PCDH15: variants seen among roughly 807,000 people sequenced by gnomAD.
PCDH15 encodes the protein protocadherin related 15, also known as protocadherin-15.
In PCDH15, 129 loss-of-function variants were observed where a neutral mutation model predicts 178.5. That is an observed-to-expected ratio of 0.72 (90% CI 0.63 to 0.84). PCDH15 has a LOEUF of 0.84. Ranked by LOEUF, PCDH15 falls within the 40% of genes least tolerant of loss-of-function variation. The probability of loss-of-function intolerance (pLI) is 0.00; values close to 1 mark genes in which losing one functional copy is unlikely to be tolerated. For missense variants in PCDH15, 2,230 were observed against 2,099.9 expected, an observed-to-expected ratio of 1.06 and a Z score of -1.21; for synonymous variants, 800 against 732.0, an observed-to-expected ratio of 1.09 and a Z score of -1.50.
At chr10:54,551,313 C>T (rs968245022) in intron 2 of PCDH15, among the ~76,000 whole-genome samples, 3 of 151,790 alleles carry the variant, frequency 2.0e-5, no homozygotes. Flanking sequence ...TTTATATCGC[C>T]TCTATACAAA....
intron 27 of PCDH15, among the ~76,000 whole-genome samples, chr10:53,860,562 C>A (rs1267136054): frequency 6.6e-6 from 1 of 151,852 alleles, no homozygotes; most frequent in Non-Finnish European, 1.5e-5. Context: ...GAAACCCTGT[C>A]TCTACTAAAA....
intron 3 of PCDH15, among the ~76,000 whole-genome samples, chr10:54,513,265 A>G (rs1197052735): frequency 6.7e-6 from 1 of 150,294 alleles, no homozygotes; most frequent in African/African-American, 2.4e-5. Flanking sequence ...TTATTTATTT[A>G]TTTATTTATT....
chr10:54,729,203 T>C (rs1425767461), intron 1 of PCDH15, among the ~76,000 whole-genome samples: 1 of 151,678 alleles, frequency 6.6e-6, no homozygotes. Flanking sequence ...AACAGCATGA[T>C]ACTGGTACAA....
At position 53,810,849 on chromosome 10, in the gene PCDH15, A is replaced by AT. The variant is rs1158774463; in HGVS notation, c.4563-186dup. 3.9e-5 allele frequency among the ~76,000 whole-genome samples: 6 copies of AT among 152,266 alleles called. No individual in the cohort carries two copies. The East Asian group carries it at 1.2e-3, about 29-fold the overall frequency. On this transcript the variant is annotated intron_variant, in intron 36 of 37. Transcript: ENST00000644397. Reference sequence around the variant, plus strand: ...AAGAACTGCTACCTGATGACCAGTGATTTTTGCCATAATGGTACCCTGGAA... The same window carrying AT: ...AAGAACTGCTACCTGATGACCAGTGATTTTTTGCCATAATGGTACCCTGGAA...
At chr10:54,995,464 A>C (rs1357552193) in intron 2 of PCDH15, among the ~76,000 whole-genome samples, 1 of 151,936 alleles carries the variant, frequency 6.6e-6, no homozygotes, top group Non-Finnish European at 1.5e-5. Flanking sequence ...AGATTTTAAA[A>C]ATTTTGGTCT....
intron 28 of PCDH15, among the ~76,000 whole-genome samples, chr10:53,855,899 G>GATATATATATATAT (rs1324732057): frequency 9.0e-5 from 7 of 77,850 alleles, no homozygotes; most frequent in East Asian, 7.4e-3. Flanking sequence ...AAAAAAAGGT[G>GATATATATATATAT]ATATGTATAT....
intron 16 of PCDH15, among the ~76,000 whole-genome samples, chr10:54,086,725 T>C (rs1007024372): frequency 2.0e-5 from 3 of 152,088 alleles, no homozygotes; most frequent in Non-Finnish European, 4.4e-5. Context: ...TCAAGAATGA[T>C]CATCAAAAGG....
chr10:53,828,663 AT>A, intron 30 of PCDH15, 90 bp from the exon 31 acceptor site: 3 of 1,096,976 alleles, frequency 2.7e-6, no homozygotes, highest in Non-Finnish European at 4.1e-6. Flanking sequence ...ATTCTAAATC[AT>A]GAATAATTTA....
At chr10:55,013,744 T>A (rs1485990767) in intron 2 of PCDH15, among the ~76,000 whole-genome samples, 1 of 152,140 alleles carries the variant, frequency 6.6e-6, no homozygotes, top group African/African-American at 2.4e-5. Context: ...GAAGTCAAAT[T>A]CAAGACATTT....
rs926192355 is a variant in PCDH15, at chr10:53,901,492, C to A, written c.3501+1751G>T. ...AAGCTACCGTCAAATTTTTCCTGGA[C>A]TCGTCATGCATTAAACTCTACTTGT... On this transcript the variant is annotated intron_variant, in intron 26 of 37. Coordinates refer to ENST00000644397, the MANE Select transcript of PCDH15 (RefSeq NM_001384140.1). 3.3e-5 allele frequency among the ~76,000 whole-genome samples: 5 copies of A among 152,142 alleles called. No homozygotes were observed. In the South Asian group the frequency reaches 1.0e-3, roughly 32 times the overall value.
intron 2 of PCDH15, among the ~76,000 whole-genome samples, chr10:55,106,615 C>T (rs886357051): frequency 2.6e-5 from 4 of 152,108 alleles, no homozygotes; most frequent in African/African-American, 9.7e-5. Context: ...GGGGTTTCAC[C>T]ATGTTGGCCA....
chr10:54,314,270 T>A (rs2061095729), intron 8 of PCDH15, among the ~76,000 whole-genome samples: 2 of 152,174 alleles, frequency 1.3e-5, no homozygotes, highest in African/African-American at 4.8e-5. Flanking sequence ...TCTTTCCGAA[T>A]AGAAATTTTC....
intron 2 of PCDH15, among the ~76,000 whole-genome samples, chr10:55,531,857 T>C (rs1228654453): frequency 6.6e-6 from 1 of 152,052 alleles, no homozygotes; most frequent in Non-Finnish European, 1.5e-5. Flanking sequence ...ATAAAGTGTT[T>C]ATATAGAGAC....
In PCDH15 at chr10:53,888,938, G is replaced by A. The variant is rs914670519; in HGVS notation, c.3501+14305C>T. Reference sequence around the variant, plus strand: ...TTTACATCCATGACCATTTGACTTAGAACAGAGAGAACACGTCAAGTAGAG... The same window carrying A: ...TTTACATCCATGACCATTTGACTTAAAACAGAGAGAACACGTCAAGTAGAG... On this transcript the variant is annotated intron_variant, in intron 26 of 37. Transcript: ENST00000644397. Among the ~76,000 whole-genome samples the A allele has an allele frequency of 1.4e-4, 20 of 147,782 alleles. No homozygotes were observed. The South Asian group carries it at 2.7e-3, about 20-fold the overall frequency.
chr10:54,934,859 G>A (rs950943672), intron 2 of PCDH15, among the ~76,000 whole-genome samples: 2 of 151,950 alleles, frequency 1.3e-5, no homozygotes. Flanking sequence ...ACTGGATTAA[G>A]AAAATGTGGC....
Position 54,183,446 on chromosome 10 carries a change from G to A in PCDH15, c.1588C>T (p.Gln530Ter). Reference sequence around the variant, plus strand: ...ACTTATATTATGTGAGTAGTTACCTGTATGACACTGTCCCCAGGTCTCATG... The same window carrying A: ...ACTTATATTATGTGAGTAGTTACCTATATGACACTGTCCCCAGGTCTCATG... ...TDMRPGDSVI[Q>*]LTAVDADEGS... Residue 530 changes from glutamine (Q) to a stop codon, truncating the protein, a stop_gained and splice_region_variant, in exon 13 of 38, where the codon CAG (glutamine) becomes TAG (stop). Transcript: ENST00000644397. LOFTEE classifies it high-confidence loss of function. 2 of 1,610,708 alleles carry A rather than the reference G, an allele frequency of 1.2e-6. No homozygotes were observed. Among genetic ancestry groups the A allele is most frequent in the Non-Finnish European group, 1.7e-6 (2 of 1,177,040 alleles).
intron 3 of PCDH15, among the ~76,000 whole-genome samples, chr10:54,462,622 C>G (rs2077260171): frequency 7.5e-6 from 1 of 133,286 alleles, no homozygotes; most frequent in Non-Finnish European, 1.5e-5. Flanking sequence ...TCAAGGAATT[C>G]TCCTGCCTCA....
intron 13 of PCDH15, among the ~76,000 whole-genome samples, chr10:54,174,705 T>TTTC (rs2047262805): frequency 1.8e-5 from 2 of 112,202 alleles, no homozygotes; most frequent in Non-Finnish European, 3.5e-5. Context: ...TTCTTTTCTT[T>TTTC]TTTTTTTTTT....
intron 2 of PCDH15, among the ~76,000 whole-genome samples, chr10:55,329,883 G>A (rs1430261348): frequency 6.6e-6 from 1 of 151,656 alleles, no homozygotes; most frequent in Admixed American, 6.6e-5. Flanking sequence ...CTATTAAGGT[G>A]ACAAATATGT....
Sources: gnomAD v4.1 joint callset for allele counts (sites outside exome capture counted in the v4.1 genomes callset) on GRCh38, gnomAD v4.1.1 for gene constraint, MANE v1.5 for transcripts, NCBI Gene and HGNC (gene_info 2026-07-23, HGNC 2026-07-21) for gene names.